The following ZFR2 variants were observed in gnomAD, a reference collection of about 807,000 sequenced individuals.
ZFR2 encodes the protein zinc finger RNA-binding protein 2.
A neutral mutation model predicts 105.7 loss-of-function variants in ZFR2; 104 were observed. That is an observed-to-expected ratio of 0.98 (90% CI 0.84 to 1.16). ZFR2 has a LOEUF of 1.16. Among genes scored for constraint, ZFR2 ranks in the 50% most tolerant of loss-of-function variants. The pLI is 0.00. For synonymous variants in ZFR2, 634 were observed against 597.7 expected, an observed-to-expected ratio of 1.06 and a Z score of -0.89; for missense variants, 1,425 against 1,355.5, an observed-to-expected ratio of 1.05 and a Z score of -0.80.
chr19:3,836,967 T>A (rs1251905764), intron 1 of ZFR2, among the ~76,000 whole-genome samples: 1 of 152,004 alleles, frequency 6.6e-6, no homozygotes, highest in East Asian at 1.9e-4. Flanking sequence ...AGGAGCAAGG[T>A]ATGAGGGTCA....
Position 3,810,819 on chromosome 19 carries a change from G to C in ZFR2, c.2364C>G (p.Cys788Trp), listed in dbSNP as rs937215541. 2 of 1,550,398 alleles carry C rather than the reference G, an allele frequency of 1.3e-6. No individual in the cohort carries two copies. The highest frequency in any genetic ancestry group is 8.7e-7 in the Non-Finnish European group (1 of 1,146,814). ...CCCTCAGGACCCTGATGACGATCACGCATGGCTGCAGGCCGCTGGCTCGAG... is the reference window on the plus strand; with the variant it reads ...CCCTCAGGACCCTGATGACGATCACCCATGGCTGCAGGCCGCTGGCTCGAG... Reference protein sequence around the residue: ...FQARASGLQPCVIVIRVLRDL... With the variant: ...FQARASGLQPWVIVIRVLRDL... The change falls in exon 16 of 19, where the codon TGC (cysteine) becomes TGG (tryptophan). Residue 788 changes from cysteine (C) to tryptophan (W), a missense_variant. Coordinates refer to ENST00000262961, the MANE Select transcript of ZFR2 (RefSeq NM_015174.2).
At position 3,827,611 on chromosome 19, in the gene ZFR2, C is replaced by A. The variant is rs866007963; in HGVS notation, c.895G>T (p.Glu299Ter). Reference sequence around the variant, plus strand: ...TGCACGCCTGTCTTCTGGGCCGCCTCCTTCTTTCTGTGCTTCTGCCCTCCC... The same window carrying A: ...TGCACGCCTGTCTTCTGGGCCGCCTACTTCTTTCTGTGCTTCTGCCCTCCC... ...HLGGQKHRKK[E>*]AAQKTGVQPN... Residue 299 changes from glutamate (E) to a stop codon, truncating the protein, a stop_gained, in exon 6 of 19, where the codon GAG becomes TAG. Transcript: ENST00000262961. LOFTEE classifies it high-confidence loss of function. 6.3e-7 allele frequency: 1 copy of A among 1,583,106 alleles called. No homozygotes were observed. The highest frequency in any genetic ancestry group is 8.6e-7 in the Non-Finnish European group (1 of 1,165,208).
rs575720520 is a variant in ZFR2 at position 3,811,792 on chromosome 19, G to A, written c.2243-426C>T. 1.9e-4 allele frequency among the ~76,000 whole-genome samples: 27 copies of A among 145,166 alleles called. No homozygotes were observed. In the South Asian group the frequency reaches 4.7e-3, roughly 25 times the overall value. On this transcript the variant is annotated intron_variant, in intron 14 of 18. Transcript: ENST00000262961. ...TTTACGTATTTAGAGACAGGGTCTC[G>A]CTCTGTGGCCCAGGCTGGAGTGCAG... is the stretch of plus-strand genomic sequence containing the variant.
intron 10 of ZFR2, among the ~76,000 whole-genome samples, chr19:3,820,520 C>T (rs1387200842): frequency 1.3e-5 from 2 of 152,166 alleles, no homozygotes; most frequent in Admixed American, 6.5e-5. Context: ...AGGCCCAGCC[C>T]GGGCAGCCAT....
intron 1 of ZFR2, among the ~76,000 whole-genome samples, chr19:3,853,895 G>A (rs2038269063): frequency 6.6e-6 from 1 of 151,856 alleles, no homozygotes; most frequent in Admixed American, 6.6e-5. Flanking sequence ...GCAACACAGT[G>A]AGACCCCCGC....
At position 3,831,670 on chromosome 19, in the gene ZFR2, G is replaced by A. The variant is rs758836044; in HGVS notation, c.588C>T (p.Thr196=). Residue 196 remains threonine (T), a synonymous_variant, in exon 4 of 19, where the codon ACC becomes ACT. Transcript: ENST00000262961. ...GAACGCTGGTCTTACCCGTGTAGGC[G>A]GTGCAGGTGGGGTTGTAGGAGGGCG... ...YPPPSYNPTC[T]AYTAPSYPNY... The A allele has an allele frequency of 1.5e-5, 24 of 1,551,512 alleles. No individual in the cohort carries two copies. Among genetic ancestry groups the A allele is most frequent in the South Asian group, 2.4e-5 (2 of 81,642 alleles).
At chr19:3,807,372 A>C in intron 17 of ZFR2, 103 bp from the exon 18 acceptor site, 1 of 807,284 alleles carries the variant, frequency 1.2e-6, no homozygotes, top group South Asian at 1.6e-5. Context: ...GGGCCCGTGC[A>C]TGGGGCTATA....
intron 12 of ZFR2, 119 bp from the exon 13 acceptor site, chr19:3,816,964 C>T: frequency 1.1e-6 from 1 of 940,190 alleles, no homozygotes; most frequent in Admixed American, 2.8e-5. Context: ...GCCTCGGCAT[C>T]CTCATCCATG....
chr19:3,840,323 T>C (rs2038122428), intron 1 of ZFR2, among the ~76,000 whole-genome samples: 1 of 149,518 alleles, frequency 6.7e-6, no homozygotes, highest in African/African-American at 2.5e-5. Flanking sequence ...CAGCAACCTC[T>C]GCCCCTCGGG....
At chr19:3,812,213 G>A in intron 14 of ZFR2, among the ~76,000 whole-genome samples, 1 of 152,076 alleles carries the variant, frequency 6.6e-6, no homozygotes, top group Non-Finnish European at 1.5e-5. Context: ...CAAAGTGCTA[G>A]GATTACAGGC....
At chr19:3,817,429 G>A (rs2037837028) in intron 12 of ZFR2, among the ~76,000 whole-genome samples, 1 of 151,694 alleles carries the variant, frequency 6.6e-6, no homozygotes, top group Admixed American at 6.6e-5. Context: ...CATGGTGGCG[G>A]GTGCCTGTAA....
chr19:3,836,163 G>A (rs761020531), intron 1 of ZFR2, among the ~76,000 whole-genome samples: 6 of 152,080 alleles, frequency 3.9e-5, no homozygotes, highest in Admixed American at 6.5e-5. Context: ...GCACTATGCC[G>A]ATGGCTGTTA....
chr19:3,814,344 C>T (rs1236041535), intron 13 of ZFR2, among the ~76,000 whole-genome samples: 1 of 152,196 alleles, frequency 6.6e-6, no homozygotes, highest in Non-Finnish European at 1.5e-5. Context: ...ACCCCATAGT[C>T]AGGGAGGAGT....
intron 5 of ZFR2, among the ~76,000 whole-genome samples, chr19:3,828,834 C>T (rs1400180573): frequency 6.6e-6 from 1 of 152,194 alleles, no homozygotes; most frequent in Admixed American, 6.5e-5. Context: ...TGGGCACTGC[C>T]CCGTCACCTG....
Position 3,825,819 on chromosome 19 carries a change from G to A in ZFR2, c.1036-412C>T, listed in dbSNP as rs1480387783. ...GGTGGGTGTGCACGTGTCCCTGGACGGACACCCACGTTCTGCACGCACGTG... is the reference window on the plus strand; with the variant it reads ...GGTGGGTGTGCACGTGTCCCTGGACAGACACCCACGTTCTGCACGCACGTG... On this transcript the variant is annotated intron_variant, in intron 6 of 18. Transcript: ENST00000262961. Among the ~76,000 whole-genome samples the A allele has an allele frequency of 6.6e-5, 10 of 152,194 alleles. No homozygotes were observed. The East Asian group carries it at 1.4e-3, about 21-fold the overall frequency.
rs2037935491 is a variant in ZFR2, at chr19:3,825,229, C to G, written c.1213+1G>C. The stretch of plus-strand genomic sequence containing the variant: ...ACGAACACGCATACAGACACACGTA[C>G]CCTCGCATAAGGCCTTCGAGGCCAC... On this transcript the variant is annotated splice_donor_variant, in intron 7 of 18. Coordinates refer to ENST00000262961, the MANE Select transcript of ZFR2 (RefSeq NM_015174.2). LOFTEE classifies it high-confidence loss of function. The G allele has an allele frequency of 2.0e-6, 3 of 1,530,086 alleles. No individual in the cohort carries two copies. The highest frequency in any genetic ancestry group is 2.6e-6 in the Non-Finnish European group (3 of 1,146,806). 94.8% of individuals were successfully genotyped at this position (1,530,086 alleles called of 1,614,324 possible).
In ZFR2 at chr19:3,808,941, C is replaced by A. The variant is rs866999569; in HGVS notation, c.2476G>T (p.Gly826Trp). 1 of 1,572,094 alleles carries A rather than the reference C, an allele frequency of 6.4e-7. No individual in the cohort carries two copies. The highest frequency in any genetic ancestry group is 2.3e-5 in the East Asian group (1 of 42,846). The change falls in exon 17 of 19, where the codon GGG (glycine) becomes TGG (tryptophan). Residue 826 changes from glycine to tryptophan, a missense_variant. Transcript: ENST00000262961. Reference protein sequence around the residue: ...LVEKAVSSAAGPLGPGDAVRR... With the variant: ...LVEKAVSSAAWPLGPGDAVRR... The stretch of plus-strand genomic sequence containing the variant: ...ACTGCATCCCCGGGGCCCAGGGGCC[C>A]AGCCGCACTGCTCACAGCCTTCTCC...
At chr19:3,826,259 G>A (rs2037948575) in intron 6 of ZFR2, among the ~76,000 whole-genome samples, 1 of 152,072 alleles carries the variant, frequency 6.6e-6, no homozygotes, top group Admixed American at 6.5e-5. Context: ...GCCGAGCCAG[G>A]GAATGAGGCC....
At chr19:3,822,806 C>A (rs2037909701) in intron 8 of ZFR2, among the ~76,000 whole-genome samples, 1 of 152,190 alleles carries the variant, frequency 6.6e-6, no homozygotes, top group African/African-American at 2.4e-5. Flanking sequence ...TGAACTGCCG[C>A]TGGCCTGGGA....
Sources: gnomAD v4.1 joint callset for allele counts (sites outside exome capture counted in the v4.1 genomes callset) on GRCh38, gnomAD v4.1.1 for gene constraint, MANE v1.5 for transcripts, NCBI Gene and HGNC (gene_info 2026-07-23, HGNC 2026-07-21) for gene names.